The following GMPPA variants were observed in gnomAD, a reference collection of about 807,000 sequenced individuals.
GMPPA encodes GDP-mannose pyrophosphorylase A, also known as mannose-1-phosphate guanylyltransferase regulatory subunit alpha.
A neutral mutation model predicts 58.6 loss-of-function variants in GMPPA; 46 were observed. The observed-to-expected ratio is 0.78, with a 90% CI of 0.62 to 1.00. The LOEUF (loss-of-function observed/expected upper bound fraction) is 1.00. Among genes scored for constraint, GMPPA ranks in the 50% least tolerant of loss-of-function variants. The pLI, the probability that GMPPA is intolerant of heterozygous loss-of-function variation, is 0.00. For missense variants in GMPPA, 468 were observed against 556.4 expected (o/e 0.84, Z 1.60); for synonymous variants, 211 against 214.9 (o/e 0.98, Z 0.16).
Position 219,502,895 on chromosome 2 carries a change from T to C in GMPPA, c.489+454T>C, listed in dbSNP as rs531553062. On this transcript the variant is annotated intron_variant, in intron 6 of 12. Coordinates refer to ENST00000313597, the MANE Select transcript of GMPPA (RefSeq NM_013335.4). This position sits in a 1 kb window ranked among gnomAD's most constrained non-coding sequence, Gnocchi z 4.0. ...CAGGGCAGCAGGGCTCTGTCCTGTT[T>C]TGTGAAACTCCCTTCTCCTAAGCCC... Among the ~76,000 whole-genome samples the C allele has an allele frequency of 7.2e-5, 11 of 152,310 alleles. No homozygotes were observed. The South Asian group carries it at 2.1e-3, about 29-fold the overall frequency.
intron 1 of GMPPA, 73 bp from the exon 2 acceptor site, chr2:219,499,883 G>T: frequency 9.1e-7 from 1 of 1,096,458 alleles, no homozygotes; most frequent in South Asian, 1.2e-5. Context: ...AGAGGGCTAA[G>T]TGTTGCTATT....
intron 4 of GMPPA, 42 bp downstream of exon 4, chr2:219,501,621 C>T (rs764172158): frequency 7.9e-7 from 1 of 1,263,214 alleles, no homozygotes; most frequent in East Asian, 2.3e-5. Flanking sequence ...TGGGGATGCC[C>T]TAGGCCTCTG....
intron 11 of GMPPA, 50 bp downstream of exon 11, chr2:219,506,122 G>A (rs753658708): frequency 1.4e-6 from 2 of 1,470,816 alleles, no homozygotes; most frequent in South Asian, 2.5e-5. Flanking sequence ...AGGCTGCGGG[G>A]AGGGCCCAGG....
chr2:219,505,872 T>C (rs901060907), intron 10 of GMPPA, 108 bp from the exon 11 acceptor site: 1 of 1,148,920 alleles, frequency 8.7e-7, no homozygotes, highest in Middle Eastern at 2.0e-4. Context: ...CACAGCCTAT[T>C]GTGTGTCCTC....
In GMPPA at chr2:219,500,164, G is replaced by A. The variant is rs1559445407; in HGVS notation, c.84G>A (p.Leu28=). The change falls in exon 3 of 13, where the codon TTG becomes TTA. Residue 28 remains leucine (L), a synonymous_variant. Transcript: ENST00000313597. The stretch of plus-strand genomic sequence containing the variant: ...TGTCTTTTGAGGTGCCCAAACCATT[G>A]TTTCCTGTGGCAGGGGTCCCTATGA... The part of the protein sequence containing the change: ...RPLSFEVPKP[L]FPVAGVPMIQ... 3 of 1,594,394 alleles carry A rather than the reference G, an allele frequency of 1.9e-6. No individual in the cohort carries two copies. In the Admixed American group the frequency reaches 5.3e-5, roughly 28 times the overall value.
chr2:219,505,203 T>C, intron 7 of GMPPA, 25 bp from the exon 8 acceptor site: 1 of 1,610,878 alleles, frequency 6.2e-7, no homozygotes, highest in Non-Finnish European at 8.5e-7. Context: ...GGGGGACTAA[T>C]GTCAGCATTC....
In GMPPA at chr2:219,501,916, T is replaced by G. The variant is rs777279135; in HGVS notation, c.308T>G (p.Leu103Arg). The G allele has an allele frequency of 6.2e-7, 1 of 1,614,208 alleles. No individual in the cohort carries two copies. The highest frequency in any genetic ancestry group is 8.5e-7 in the Non-Finnish European group (1 of 1,180,034). Residue 103 changes from leucine to arginine, a missense_variant, in exon 5 of 13, where the codon CTG becomes CGG. Coordinates refer to ENST00000313597, the MANE Select transcript of GMPPA (RefSeq NM_013335.4). ...GGLYHFRDQI[L>R]AGSPEAFFVL... ...CTTTACCATTTTCGAGACCAGATCC[T>G]GGCTGGGAGCCCCGAGGCATTCTTC...
intron 3 of GMPPA, chr2:219,501,185 C>T: frequency 2.8e-6 from 1 of 353,410 alleles, no homozygotes. Flanking sequence ...ATCGCTTGAG[C>T]CCAGGACGTG....
intron 8 of GMPPA, 24 bp from the exon 9 acceptor site, chr2:219,505,434 C>T: frequency 6.3e-7 from 1 of 1,596,830 alleles, no homozygotes; most frequent in Non-Finnish European, 8.5e-7. Flanking sequence ...ACCCCTGAGC[C>T]CCTGTCCCCC....
Position 219,503,738 on chromosome 2 carries a change from T to G in GMPPA, c.490-345T>G, listed in dbSNP as rs1480931945. 2.6e-5 allele frequency among the ~76,000 whole-genome samples: 4 copies of G among 151,980 alleles called. No homozygotes were observed. The East Asian group carries it at 7.7e-4, about 29-fold the overall frequency. ...AGAGGACGCACAGAGAGAGTGACAG[T>G]GTCAACTGGGTTTGGAAAGGTGGGC... is the stretch of plus-strand genomic sequence containing the variant. On this transcript the variant is annotated intron_variant, in intron 6 of 12. Coordinates refer to ENST00000313597, the MANE Select transcript of GMPPA (RefSeq NM_013335.4).
In GMPPA at chr2:219,504,169, G is replaced by A; in HGVS notation, c.576G>A (p.Lys192=). The change falls in exon 7 of 13, where the codon AAG becomes AAA. Residue 192 remains lysine (K), a synonymous_variant. Coordinates refer to ENST00000313597, the MANE Select transcript of GMPPA (RefSeq NM_013335.4). ...ACCTCTTTTCTCCTGAAGCCTTGAA[G>A]CCTCTTCGGGATGTCTTCCAGCGTA... ...GIYLFSPEAL[K]PLRDVFQRNQ... 6.2e-7 allele frequency: 1 copy of A among 1,613,970 alleles called. No homozygotes were observed. The highest frequency in any genetic ancestry group is 8.5e-7 in the Non-Finnish European group (1 of 1,179,848).
Position 219,504,102 on chromosome 2 carries a change from A to G in GMPPA, c.509A>G (p.Lys170Arg). Reference sequence around the variant, plus strand: ...CCTCAGGTATTGCACTATGTGGAGAAACCCAGCACATTTATCAGTGACATC... The same window carrying G: ...CCTCAGGTATTGCACTATGTGGAGAGACCCAGCACATTTATCAGTGACATC... ...QTHEVLHYVE[K>R]PSTFISDIIN... The change falls in exon 7 of 13, where the codon AAA becomes AGA. Residue 170 changes from lysine to arginine, a missense_variant. By Grantham distance (26) the Lys-to-Arg change is conservative. Coordinates refer to ENST00000313597, the MANE Select transcript of GMPPA (RefSeq NM_013335.4). 6.2e-7 allele frequency: 1 copy of G among 1,614,120 alleles called. No homozygotes were observed. Among genetic ancestry groups the G allele is most frequent in the Non-Finnish European group, 8.5e-7 (1 of 1,179,996 alleles).
intron 7 of GMPPA, chr2:219,505,008 C>T: frequency 1.2e-6 from 1 of 860,912 alleles, no homozygotes; most frequent in Non-Finnish European, 1.7e-6. Context: ...AGGCCTCTGC[C>T]TGGGGCTCCC....
chr2:219,500,098 T>C (rs1559445346), intron 2 of GMPPA, 23 bp from the exon 3 acceptor site: 3 of 1,601,348 alleles, frequency 1.9e-6, no homozygotes, highest in African/African-American at 2.7e-5. Flanking sequence ...GAGGCCGAAA[T>C]GTTCTCCTCT....
Position 219,502,102 on chromosome 2 carries a change from G to C in GMPPA, c.429+65G>C, listed in dbSNP as rs112026034. 4.5e-3 allele frequency: 7,028 copies of C among 1,555,848 alleles called. 21 individuals are homozygous for C. Among genetic ancestry groups the C allele is most frequent in the Non-Finnish European group, 5.5e-3 (6,257 of 1,135,850 alleles). ...ATCCCAAGAGCTTCCCGGAATTCAG[G>C]GTGTTGGGGAGGCAGGGGCGCCCCG... On this transcript the variant is annotated intron_variant, in intron 5 of 12. Coordinates refer to ENST00000313597, the MANE Select transcript of GMPPA (RefSeq NM_013335.4). The surrounding 1 kb of genome is among the most constrained non-coding windows in gnomAD (Gnocchi z 4.0).
At chr2:219,506,103 C>T (rs376462993) in intron 11 of GMPPA, 31 bp downstream of exon 11, 101 of 1,512,844 alleles carry the variant, frequency 6.7e-5, no homozygotes, top group Non-Finnish European at 8.0e-5. Context: ...CAGCATGTGA[C>T]ACCCCAAGAG....
Position 219,501,963 on chromosome 2 carries a change from T to C in GMPPA, c.355T>C (p.Ser119Pro), listed in dbSNP as rs1694408937. Residue 119 changes from serine (S) to proline (P), a missense_variant, in exon 5 of 13, where the codon TCC becomes CCC. Physicochemically the swap from Ser to Pro is moderately conservative, Grantham distance 74 (BLOSUM62 -1). Transcript: ENST00000313597. ...AFFVLNADVC[S>P]DFPLSAMLEA... ...CTTCGTGCTCAATGCTGATGTCTGC[T>C]CCGACTTCCCCTTGAGTGCTATGTT... 2 of 1,614,052 alleles carry C rather than the reference T, an allele frequency of 1.2e-6. No individual in the cohort carries two copies. The highest frequency in any genetic ancestry group is 2.7e-5 in the African/African-American group (2 of 74,926).
chr2:219,506,631 G>A, intron 12 of GMPPA, 67 bp from the exon 13 acceptor site: 1 of 1,042,182 alleles, frequency 9.6e-7, no homozygotes, highest in Non-Finnish European at 1.5e-6. Context: ...TGCTGGCAGT[G>A]GCCCCCAGCT....
intron 4 of GMPPA, 79 bp downstream of exon 4, chr2:219,501,658 AT>A: frequency 1.0e-6 from 1 of 1,002,012 alleles, no homozygotes; most frequent in Non-Finnish European, 1.6e-6. Context: ...TTGAGTCAGC[AT>A]TTGCTGGAGT....
Sources: gnomAD v4.1 joint callset for allele counts (sites outside exome capture counted in the v4.1 genomes callset) on GRCh38, gnomAD v4.1.1 for gene constraint, Gnocchi (gnomAD v3.1) non-coding constraint, MANE v1.5 for transcripts, NCBI Gene and HGNC (gene_info 2026-07-23, HGNC 2026-07-21) for gene names.